Variants in CNTN5 observed in about 807,000 individuals in gnomAD.
CNTN5 encodes contactin 5, also known as contactin-5.
A neutral mutation model predicts 129.1 loss-of-function variants in CNTN5; 77 were observed. The observed-to-expected ratio is 0.60, with a 90% CI of 0.50 to 0.72. CNTN5 has a LOEUF of 0.72. CNTN5 is among the 30% of genes least tolerant of loss of function. The pLI is 0.00. For synonymous variants in CNTN5, 509 were observed against 465.6 expected (o/e 1.09, Z -1.20); for missense variants, 1,478 against 1,328.8 (o/e 1.11, Z -1.75).
At chr11:99,284,969 C>A (rs1196081320) in intron 1 of CNTN5, among the ~76,000 whole-genome samples, 8 of 151,966 alleles carry the variant, frequency 5.3e-5, no homozygotes, top group South Asian at 2.1e-4. Context: ...ATATCGGACA[C>A]TTTTTGCTTG....
At chr11:100,232,195 A>G (rs896674806) in intron 16 of CNTN5, among the ~76,000 whole-genome samples, 13 of 152,122 alleles carry the variant, frequency 8.5e-5, no homozygotes, top group African/African-American at 3.1e-4. Flanking sequence ...AAGCATAGGA[A>G]GGGGAAAATG....
At chr11:99,340,121 G>A (rs919368919) in intron 2 of CNTN5, among the ~76,000 whole-genome samples, 5 of 152,198 alleles carry the variant, frequency 3.3e-5, no homozygotes, top group African/African-American at 1.2e-4. Flanking sequence ...TTAGGAACTA[G>A]AGGGTGGGAG....
Position 99,453,584 on chromosome 11 carries a change from A to G in CNTN5, c.-70-102561A>G, listed in dbSNP as rs545238046. Among the ~76,000 whole-genome samples, 41 of 152,336 alleles carry G rather than the reference A, an allele frequency of 2.7e-4. 1 individual carries two copies. The highest frequency in any genetic ancestry group is 9.6e-4 in the African/African-American group (40 of 41,588). Reference sequence around the variant, plus strand: ...CAAATGCAATTATAGCCTAAACTTAATACAATAATTTTCAAAATTTATGAG... The same window carrying G: ...CAAATGCAATTATAGCCTAAACTTAGTACAATAATTTTCAAAATTTATGAG... On this transcript the variant is annotated intron_variant, in intron 2 of 24. Transcript: ENST00000524871.
At chr11:99,531,437 C>A (rs996368655) in intron 2 of CNTN5, among the ~76,000 whole-genome samples, 2 of 152,172 alleles carry the variant, frequency 1.3e-5, no homozygotes, top group Non-Finnish European at 2.9e-5. Context: ...AATAAAAACC[C>A]ATTTTCTGGG....
At chr11:99,809,362 T>A (rs1270697718) in intron 3 of CNTN5, among the ~76,000 whole-genome samples, 3 of 152,208 alleles carry the variant, frequency 2.0e-5, no homozygotes, top group Admixed American at 1.3e-4. Context: ...TCTTAGTTTA[T>A]AAGAACTCCT....
chr11:99,900,118 A>G (rs1949315799), intron 6 of CNTN5, among the ~76,000 whole-genome samples: 1 of 150,466 alleles, frequency 6.6e-6, no homozygotes, highest in Non-Finnish European at 1.5e-5. Context: ...TTCTTAGCCC[A>G]ACTAGCGTTC....
chr11:99,824,596 G>A (rs1236418358), intron 4 of CNTN5, among the ~76,000 whole-genome samples: 1 of 151,616 alleles, frequency 6.6e-6, no homozygotes, highest in Non-Finnish European at 1.5e-5. Flanking sequence ...TTGATTTTGT[G>A]TAATGAGATA....
intron 17 of CNTN5, among the ~76,000 whole-genome samples, chr11:100,261,664 C>T (rs1950200053): frequency 6.6e-6 from 1 of 152,134 alleles, no homozygotes; most frequent in Non-Finnish European, 1.5e-5. Flanking sequence ...ACCATCTGAT[C>T]TTTGACAAAC....
chr11:100,132,335 G>T (rs758659590), intron 13 of CNTN5, among the ~76,000 whole-genome samples: 2 of 152,104 alleles, frequency 1.3e-5, no homozygotes, highest in Non-Finnish European at 2.9e-5. Context: ...GATAATGGAT[G>T]TAATGCATCT....
At chr11:99,629,445 A>T (rs901119983) in intron 3 of CNTN5, among the ~76,000 whole-genome samples, 5 of 152,030 alleles carry the variant, frequency 3.3e-5, no homozygotes, top group Non-Finnish European at 7.4e-5. Context: ...ATCTATTAAG[A>T]AATGGCCCAA....
chr11:100,226,327 G>T (rs530280156), intron 16 of CNTN5, among the ~76,000 whole-genome samples: 1 of 152,138 alleles, frequency 6.6e-6, no homozygotes, highest in South Asian at 2.1e-4. Flanking sequence ...TCTTAAAATT[G>T]GAGCTTTCCA....
intron 15 of CNTN5, among the ~76,000 whole-genome samples, chr11:100,221,485 C>G (rs1046192807): frequency 1.3e-5 from 2 of 152,140 alleles, no homozygotes; most frequent in East Asian, 3.9e-4. Flanking sequence ...AAGAATTCGA[C>G]TTGGGTGGAA....
At chr11:99,142,089 G>A (rs937665338) in intron 1 of CNTN5, among the ~76,000 whole-genome samples, 1 of 152,136 alleles carries the variant, frequency 6.6e-6, no homozygotes, top group Non-Finnish European at 1.5e-5. Flanking sequence ...TGAAGGCTCA[G>A]TTCAGCACTC....
intron 19 of CNTN5, among the ~76,000 whole-genome samples, chr11:100,298,198 G>A (rs1419056838): frequency 1.3e-5 from 2 of 151,392 alleles, no homozygotes; most frequent in Non-Finnish European, 3.0e-5. Flanking sequence ...AGTAAATAGA[G>A]CAACTCCTTG....
At chr11:99,383,738 C>A (rs1396207320) in intron 2 of CNTN5, among the ~76,000 whole-genome samples, 3 of 152,014 alleles carry the variant, frequency 2.0e-5, no homozygotes, top group Admixed American at 6.6e-5. Flanking sequence ...TTAAGAAATG[C>A]TTGTCTTAAC....
At chr11:99,377,733 T>C (rs1381285951) in intron 2 of CNTN5, among the ~76,000 whole-genome samples, 1 of 152,066 alleles carries the variant, frequency 6.6e-6, no homozygotes, top group African/African-American at 2.4e-5. Flanking sequence ...TGGAGGTACA[T>C]CTTTGGTTCT....
intron 2 of CNTN5, among the ~76,000 whole-genome samples, chr11:99,468,426 T>C (rs1022188731): frequency 6.6e-6 from 1 of 152,204 alleles, no homozygotes; most frequent in African/African-American, 2.4e-5. Context: ...TCGGAGAATG[T>C]AATGAATTAC....
intron 10 of CNTN5, among the ~76,000 whole-genome samples, chr11:100,066,136 C>T (rs987074167): frequency 6.6e-6 from 1 of 152,058 alleles, no homozygotes; most frequent in Non-Finnish European, 1.5e-5. Context: ...TATATATTAT[C>T]TTCTATCATC....
chr11:99,736,115 T>G (rs1479230207), intron 3 of CNTN5, among the ~76,000 whole-genome samples: 1 of 152,140 alleles, frequency 6.6e-6, no homozygotes, highest in African/African-American at 2.4e-5. Flanking sequence ...AGATTTAAGA[T>G]TTCTTTTGAG....
Sources: gnomAD v4.1 joint callset for allele counts (sites outside exome capture counted in the v4.1 genomes callset) on GRCh38, gnomAD v4.1.1 for gene constraint, MANE v1.5 for transcripts, NCBI Gene and HGNC (gene_info 2026-07-23, HGNC 2026-07-21) for gene names.